Variants in TNFSF13B observed in about 807,000 individuals in gnomAD.
The protein encoded by TNFSF13B is tumor necrosis factor ligand superfamily member 13B.
TNFSF13B carries 8 observed loss-of-function variants against 29.1 expected under a neutral mutation model. The ratio of observed to expected loss-of-function variants is 0.27; its 90% CI spans 0.16 to 0.50. TNFSF13B has a LOEUF of 0.50. Among genes scored for constraint, TNFSF13B ranks in the 20% least tolerant of loss-of-function variants. TNFSF13B has a pLI of 0.98. For synonymous variants in TNFSF13B, 125 were observed against 130.8 expected (o/e 0.96, Z 0.30); for missense variants, 248 against 334.9 (o/e 0.74, Z 2.03).
chr13:108,283,732 C>CCTT (rs1881030994), intron 2 of TNFSF13B, among the ~76,000 whole-genome samples: 1 of 152,186 alleles, frequency 6.6e-6, no homozygotes, highest in South Asian at 2.1e-4. Flanking sequence ...AAGTCCAAGA[C>CCTT]CAAGATGCCT....
chr13:108,274,816 C>A (rs1403776532), intron 2 of TNFSF13B, among the ~76,000 whole-genome samples: 2 of 151,960 alleles, frequency 1.3e-5, no homozygotes, highest in African/African-American at 4.8e-5. Flanking sequence ...TATTAATTGT[C>A]TACATGTTTT....
chr13:108,287,125 T>TG (rs1227507407), intron 3 of TNFSF13B, among the ~76,000 whole-genome samples: 3 of 35,886 alleles, frequency 8.4e-5, no homozygotes, highest in African/African-American at 2.4e-4. Context: ...TGTTGTGGGG[T>TG]GGGGGGAGGG....
intron 2 of TNFSF13B, among the ~76,000 whole-genome samples, chr13:108,272,860 A>T (rs1284437282): frequency 1.3e-5 from 2 of 149,348 alleles, no homozygotes; most frequent in Non-Finnish European, 1.5e-5. Flanking sequence ...CTTTACAATT[A>T]AAAAAAAAGA....
chr13:108,270,018 C>A lies in TNFSF13B; in HGVS notation c.123C>A (p.Ser41=). Reference sequence around the variant, plus strand: ...GGAAGGAAAGCCCCTCTGTCCGATCCTCCAAAGACGGAAAGCTGCTGGCTG... The same window carrying A: ...GGAAGGAAAGCCCCTCTGTCCGATCATCCAAAGACGGAAAGCTGCTGGCTG... The part of the protein sequence containing the change: ...LPRKESPSVR[S]SKDGKLLAAT... Residue 41 remains serine (S), a synonymous_variant, in exon 1 of 6, where the codon TCC becomes TCA. Coordinates refer to ENST00000375887, the MANE Select transcript of TNFSF13B (RefSeq NM_006573.5). 6.2e-7 allele frequency: 1 copy of A among 1,612,844 alleles called. No individual in the cohort carries two copies. The highest frequency in any genetic ancestry group is 8.5e-7 in the Non-Finnish European group (1 of 1,179,996).
At chr13:108,281,510 A>G (rs1209603719) in intron 2 of TNFSF13B, among the ~76,000 whole-genome samples, 1 of 152,066 alleles carries the variant, frequency 6.6e-6, no homozygotes. Flanking sequence ...AGACCAAACC[A>G]TCCTCACCCT....
chr13:108,283,878 G>C (rs778031839), intron 2 of TNFSF13B, among the ~76,000 whole-genome samples: 1 of 152,116 alleles, frequency 6.6e-6, no homozygotes, highest in African/African-American at 2.4e-5. Context: ...CCATTCATGA[G>C]TGCTCTGCCC....
intron 3 of TNFSF13B, among the ~76,000 whole-genome samples, chr13:108,300,805 C>A (rs1213138906): frequency 6.6e-6 from 1 of 152,144 alleles, no homozygotes; most frequent in East Asian, 1.9e-4. Context: ...ACAGAGGTGG[C>A]TCCTGGGAGT....
chr13:108,278,274 G>T (rs1192097797), intron 2 of TNFSF13B, among the ~76,000 whole-genome samples: 1 of 152,130 alleles, frequency 6.6e-6, no homozygotes, highest in East Asian at 1.9e-4. Flanking sequence ...AGGAATCAGA[G>T]AATGTTGTTA....
Position 108,269,773 on chromosome 13 carries a change from G to T in TNFSF13B, c.-123G>T. The T allele has an allele frequency of 1.1e-6, 1 of 889,848 alleles. No individual in the cohort carries two copies. Among genetic ancestry groups the T allele is most frequent in the Non-Finnish European group, 1.7e-6 (1 of 578,052 alleles). The allele number at this position is 889,848 out of a possible 1,614,324, so 55.1% of individuals were successfully genotyped here. ...GAAAATTCAGGATAACTCTCCTGAGGGGTGAGCCAAGCCCTGCCATGTAGT... is the reference window on the plus strand; with the variant it reads ...GAAAATTCAGGATAACTCTCCTGAGTGGTGAGCCAAGCCCTGCCATGTAGT... On this transcript the variant is annotated 5_prime_UTR_variant, in exon 1 of 6. Transcript: ENST00000375887.
At chr13:108,306,746 G>T (rs764713819) in intron 5 of TNFSF13B, 80 bp from the exon 6 acceptor site, 207 of 818,702 alleles carry the variant, frequency 2.5e-4, no homozygotes, top group Non-Finnish European at 3.7e-4. Flanking sequence ...TTTTTTTACA[G>T]AACAAAATAG....
chr13:108,272,369 T>C (rs1880643342), intron 2 of TNFSF13B, among the ~76,000 whole-genome samples: 1 of 152,112 alleles, frequency 6.6e-6, no homozygotes, highest in South Asian at 2.1e-4. Context: ...CATTTCTCTA[T>C]AGTAAAGTGA....
chr13:108,286,622 A>G (rs1881143171), intron 2 of TNFSF13B, among the ~76,000 whole-genome samples, 181 bp from the exon 3 acceptor site: 1 of 142,140 alleles, frequency 7.0e-6, no homozygotes, highest in African/African-American at 2.5e-5. Flanking sequence ...TTTCATATAT[A>G]TATATCATAT....
rs183855361 is a variant in TNFSF13B, at chr13:108,301,127, A to G, written c.482-2126A>G. 1.3e-3 allele frequency: 202 copies of G among 152,358 alleles called. 2 individuals are homozygous for G. The highest frequency in any genetic ancestry group is 4.7e-3 in the African/African-American group (194 of 41,584). 9.4% of individuals were successfully genotyped at this position (152,358 alleles called of 1,614,324 possible). A position where few individuals can be genotyped will look rare whatever the true frequency, so the allele number is the denominator to read the frequency against. On this transcript the variant is annotated intron_variant, in intron 3 of 5. Transcript: ENST00000375887. ...GGGAATATAAATTAGTGTAGCCATTATGAAAAATAGTACACAAGTTTCTTT... is the reference window on the plus strand; with the variant it reads ...GGGAATATAAATTAGTGTAGCCATTGTGAAAAATAGTACACAAGTTTCTTT...
chr13:108,298,729 C>T (rs187018871), intron 3 of TNFSF13B, among the ~76,000 whole-genome samples: 6 of 145,532 alleles, frequency 4.1e-5, no homozygotes, highest in African/African-American at 1.6e-4. Context: ...GTAATCCCAG[C>T]ACTTTGGGAG....
intron 2 of TNFSF13B, among the ~76,000 whole-genome samples, chr13:108,278,285 G>A (rs931519124): frequency 6.6e-6 from 1 of 152,118 alleles, no homozygotes; most frequent in Non-Finnish European, 1.5e-5. Context: ...AATGTTGTTA[G>A]TGGTAGAGAT....
At chr13:108,275,169 A>G (rs549029862) in intron 2 of TNFSF13B, among the ~76,000 whole-genome samples, 2 of 152,264 alleles carry the variant, frequency 1.3e-5, no homozygotes, top group African/African-American at 4.8e-5. Flanking sequence ...CTGTGTTTGG[A>G]GATATTCCCA....
chr13:108,303,961 T>C (rs1253610698), intron 5 of TNFSF13B, among the ~76,000 whole-genome samples: 1 of 152,154 alleles, frequency 6.6e-6, no homozygotes, highest in Non-Finnish European at 1.5e-5. Context: ...ACAACAATAA[T>C]AATATCTGAC....
At chr13:108,300,540 AC>A (rs1418447500) in intron 3 of TNFSF13B, among the ~76,000 whole-genome samples, 1 of 152,160 alleles carries the variant, frequency 6.6e-6, no homozygotes, top group Non-Finnish European at 1.5e-5. Context: ...ATTTTTCAGC[AC>A]TCCAAAAAGT....
In TNFSF13B at chr13:108,303,577, C is replaced by T. The variant is rs762961193; in HGVS notation, c.718C>T (p.Leu240=). ...ATGTATTCAAAATATGCCTGAAACACTACCCAATAATTCCTGCTATTCAGC... is the reference window on the plus strand; with the variant it reads ...ATGTATTCAAAATATGCCTGAAACATTACCCAATAATTCCTGCTATTCAGC... ...FRCIQNMPET[L]PNNSCYSAGI... is the part of the protein sequence containing the mutation. The change falls in exon 5 of 6, where the codon CTA becomes TTA. Residue 240 remains leucine (L), a synonymous_variant. Transcript: ENST00000375887. The T allele has an allele frequency of 6.2e-7, 1 of 1,613,402 alleles. No homozygotes were observed. Among genetic ancestry groups the T allele is most frequent in the East Asian group, 2.2e-5 (1 of 44,846 alleles).
Sources: gnomAD v4.1 joint callset for allele counts (sites outside exome capture counted in the v4.1 genomes callset) on GRCh38, gnomAD v4.1.1 for gene constraint, MANE v1.5 for transcripts, NCBI Gene and HGNC (gene_info 2026-07-23, HGNC 2026-07-21) for gene names.